The following ANKRD30B variants were observed in gnomAD, a reference collection of about 807,000 sequenced individuals.
ANKRD30B encodes the protein ankyrin repeat domain-containing protein 30B.
ANKRD30B carries 144 observed loss-of-function variants against 202.2 expected under a neutral mutation model. The ratio of observed to expected loss-of-function variants is 0.71; its 90% confidence interval spans 0.62 to 0.82. The LOEUF (loss-of-function observed/expected upper bound fraction) is 0.82. ANKRD30B is among the 40% of genes least tolerant of loss of function. ANKRD30B has a pLI of 0.00. For synonymous variants in ANKRD30B, 508 were observed against 561.3 expected (o/e 0.91, Z 1.34); for missense variants, 1,487 against 1,669.1 (o/e 0.89, Z 1.90).
In ANKRD30B at chr18:14,810,240, T is replaced by G. The variant is rs1235564015; in HGVS notation, c.2488+60T>G. On this transcript the variant is annotated intron_variant, in intron 28 of 43. Coordinates refer to ENST00000690538, the MANE Select transcript of ANKRD30B (RefSeq NM_001367607.2). ...AAGAATATTAAACTATTTGAAATGC[T>G]GAGAGCCTTTTATTCCCAAAGTTGT... The G allele has an allele frequency of 1.1e-5, 12 of 1,064,094 alleles. No individual in the cohort carries two copies. In the East Asian group the frequency reaches 3.5e-4, roughly 31 times the overall value. The allele number at this position is 1,064,094 out of a possible 1,614,324, so 65.9% of individuals were successfully genotyped here.
chr18:14,796,473 G>A (rs1968902641), intron 18 of ANKRD30B, 58 bp downstream of exon 18: 2 of 1,480,044 alleles, frequency 1.4e-6, no homozygotes, highest in Non-Finnish European at 1.8e-6. Context: ...TATTTGAAAT[G>A]CCGAGAGGCT....
chr18:14,845,106 T>C (rs567699887), intron 39 of ANKRD30B, among the ~76,000 whole-genome samples: 6 of 152,118 alleles, frequency 3.9e-5, no homozygotes, highest in African/African-American at 1.4e-4. Flanking sequence ...TTAGGTCCCA[T>C]TTGTCAATTT....
chr18:14,787,516 G>C (rs1343496271), intron 15 of ANKRD30B, among the ~76,000 whole-genome samples: 1 of 152,124 alleles, frequency 6.6e-6, no homozygotes, highest in Non-Finnish European at 1.5e-5. Context: ...CAAAAGTTGG[G>C]ACCTGAAAAG....
intron 8 of ANKRD30B, among the ~76,000 whole-genome samples, chr18:14,771,485 C>T (rs9303861): frequency 0.58 from 86,941 of 151,198 alleles, 25,269 homozygotes; most frequent in African/African-American, 0.66. Context: ...GACTTTCTTA[C>T]TTTTAATGTT....
chr18:14,866,591 G>T, the ANKRD30B span, among the ~76,000 whole-genome samples: 3 of 152,192 alleles, frequency 2.0e-5, no homozygotes, highest in Admixed American at 6.5e-5. Context: ...TGCGGTTGGT[G>T]GTGGCAACGG....
Position 14,848,844 on chromosome 18 carries a change from C to T in ANKRD30B, c.3310C>T (p.Gln1104Ter), listed in dbSNP as rs1234655139. ...AACGAAAAATAAGTTTTGTGTACTA[C>T]AAAAGGAACTGTCAGAAGCGAAAGA... ...EQTKNKFCVL[Q>*]KELSEAKEIK... Residue 1104 changes from glutamine (Q) to a stop codon, truncating the protein, a stop_gained, in exon 40 of 44, where the codon CAA becomes TAA. Transcript: ENST00000690538. LOFTEE classifies it high-confidence loss of function. 1.9e-6 allele frequency: 3 copies of T among 1,597,782 alleles called. No homozygotes were observed. The highest frequency in any genetic ancestry group is 1.7e-5 in the Admixed American group (1 of 57,488).
chr18:14,788,380 G>A (rs1249622045), intron 15 of ANKRD30B, among the ~76,000 whole-genome samples: 1 of 151,822 alleles, frequency 6.6e-6, no homozygotes, highest in Non-Finnish European at 1.5e-5. Context: ...AGTTATGTGA[G>A]GTTTTCTTTT....
At chr18:14,834,019 A>G (rs1350976390) in intron 34 of ANKRD30B, among the ~76,000 whole-genome samples, 4 of 152,166 alleles carry the variant, frequency 2.6e-5, no homozygotes, top group African/African-American at 7.2e-5. Context: ...TGCCCCCCGC[A>G]TGATTTATTC....
At chr18:14,810,330 A>T in intron 28 of ANKRD30B, 150 bp downstream of exon 28, 1 of 544,922 alleles carries the variant, frequency 1.8e-6, no homozygotes, top group East Asian at 3.8e-5. Context: ...TTTATGTTTG[A>T]GAAAATGCCA....
At chr18:14,871,142 C>A in the ANKRD30B span, among the ~76,000 whole-genome samples, 25 of 50,380 alleles carry the variant, frequency 5.0e-4, no homozygotes, top group East Asian at 2.1e-3. Flanking sequence ...CACCCACACA[C>A]CCCCACCCAC....
the ANKRD30B span, among the ~76,000 whole-genome samples, chr18:14,893,083 A>G: frequency 6.6e-6 from 1 of 152,198 alleles, no homozygotes; most frequent in Non-Finnish European, 1.5e-5. Flanking sequence ...AAAAAACACC[A>G]TTCACACTGG....
intron 33 of ANKRD30B, among the ~76,000 whole-genome samples, chr18:14,828,661 A>G (rs1403912942): frequency 3.3e-5 from 5 of 152,176 alleles, no homozygotes; most frequent in Non-Finnish European, 5.9e-5. Context: ...AAGGTACAGG[A>G]CCAGATGGGA....
chr18:14,877,021 T>C, the ANKRD30B span, among the ~76,000 whole-genome samples: 2 of 152,240 alleles, frequency 1.3e-5, no homozygotes, highest in Non-Finnish European at 2.9e-5. Context: ...TGTTTCTGTA[T>C]TGGCCAACAT....
the ANKRD30B span, among the ~76,000 whole-genome samples, chr18:14,925,925 G>C: frequency 6.6e-6 from 1 of 152,176 alleles, no homozygotes; most frequent in Non-Finnish European, 1.5e-5. Context: ...GCCACAGAGG[G>C]GGCGTTTGCA....
At chr18:14,760,473 T>A in intron 5 of ANKRD30B, 81 bp from the exon 6 acceptor site, 1 of 779,030 alleles carries the variant, frequency 1.3e-6, no homozygotes. Flanking sequence ...TCTGAAATAC[T>A]CTAAGAACTT....
chr18:14,774,491 G>T (rs1390822749), intron 9 of ANKRD30B, among the ~76,000 whole-genome samples: 1 of 152,060 alleles, frequency 6.6e-6, no homozygotes, highest in Non-Finnish European at 1.5e-5. Flanking sequence ...TAGTGGCTAT[G>T]TATGATTTTC....
chr18:14,858,878 CG>C (rs1274543168), downstream of ANKRD30B, among the ~76,000 whole-genome samples: 1 of 96,410 alleles, frequency 1.0e-5, no homozygotes, highest in African/African-American at 4.8e-5. Flanking sequence ...CCAGACATCA[CG>C]GCCAGGCAGA....
the ANKRD30B span, among the ~76,000 whole-genome samples, chr18:14,891,994 G>A: frequency 6.6e-6 from 1 of 152,182 alleles, no homozygotes; most frequent in African/African-American, 2.4e-5. Flanking sequence ...TGTGGCTTTT[G>A]CCATTACTTT....
At chr18:14,849,020 A>G in intron 40 of ANKRD30B, 91 bp downstream of exon 40, 1 of 1,336,126 alleles carries the variant, frequency 7.5e-7, no homozygotes, top group East Asian at 3.0e-5. Flanking sequence ...ACCTTCTGAG[A>G]TTTAACTGGA....
Sources: allele counts gnomAD v4.1 joint callset (sites outside exome capture counted in the v4.1 genomes callset), GRCh38; gene constraint gnomAD v4.1.1; transcripts MANE v1.5; gene names NCBI Gene and HGNC (gene_info 2026-07-23, HGNC 2026-07-21).